PDE9A: variants seen among roughly 807,000 people sequenced by gnomAD.
The protein encoded by PDE9A is high affinity cGMP-specific 3',5'-cyclic phosphodiesterase 9A.
A neutral mutation model predicts 87.4 loss-of-function variants in PDE9A; 60 were observed. That is an observed-to-expected ratio of 0.69 (90% CI 0.56 to 0.85). The LOEUF (loss-of-function observed/expected upper bound fraction) is 0.85, where lower values mean the gene tolerates loss of function less well. PDE9A is among the 40% of genes least tolerant of loss of function. The pLI is 0.00. For synonymous variants in PDE9A, 272 were observed against 279.4 expected, an observed-to-expected ratio of 0.97 and a Z score of 0.27; for missense variants, 665 against 779.0, an observed-to-expected ratio of 0.85 and a Z score of 1.74.
At position 42,705,641 on chromosome 21, in the gene PDE9A, CG is replaced by C. The variant is rs1375394563; in HGVS notation, c.262+6632del. On this transcript the variant is annotated intron_variant, in intron 4 of 19. Transcript: ENST00000291539. The surrounding 1 kb of genome is among the most constrained non-coding windows in gnomAD (Gnocchi z 4.3). ...AGCGTGCTGCAGTCACACGCCAGGA[CG>C]GCCCCCCACGGCCCAAGTCCTATAG... Among the ~76,000 whole-genome samples, 32 of 152,208 alleles carry C rather than the reference CG, an allele frequency of 2.1e-4. No homozygotes were observed. Among genetic ancestry groups the C allele is most frequent in the African/African-American group, 7.2e-4 (30 of 41,452 alleles).
At chr21:42,686,152 G>A (rs775476330) in intron 1 of PDE9A, 40 bp from the exon 2 acceptor site, 13 of 1,543,376 alleles carry the variant, frequency 8.4e-6, no homozygotes, top group Non-Finnish European at 1.1e-5. Flanking sequence ...AGGGAGACCC[G>A]CCGCCCTCGC....
At chr21:42,666,893 T>C (rs2269134) in intron 1 of PDE9A, among the ~76,000 whole-genome samples, 67,238 of 152,040 alleles carry the variant, frequency 0.44, 18,435 homozygotes, top group African/African-American at 0.79. Context: ...GCAGGAGGGA[T>C]CCAGAACGAC....
intron 8 of PDE9A, among the ~76,000 whole-genome samples, chr21:42,745,556 C>T (rs1263532673): frequency 6.6e-6 from 1 of 152,228 alleles, no homozygotes; most frequent in African/African-American, 2.4e-5. Context: ...AAGGCTGGGA[C>T]CTGGCAAGGC....
chr21:42,710,267 G>A (rs1359173674), intron 4 of PDE9A, among the ~76,000 whole-genome samples: 1 of 152,062 alleles, frequency 6.6e-6, no homozygotes, highest in African/African-American at 2.4e-5. Flanking sequence ...AAATTAGCAG[G>A]GTGTGGTGGT....
rs537964286 is a variant in PDE9A, at chr21:42,692,739, G to A, written c.218+4745G>A. Among the ~76,000 whole-genome samples, 2 of 152,076 alleles carry A rather than the reference G, an allele frequency of 1.3e-5. No individual in the cohort carries two copies. Among genetic ancestry groups the A allele is most frequent in the South Asian group, 4.1e-4 (2 of 4,826 alleles). ...CCCTCTTCCCTCGCCGGCAGGTGACGTTACTGGCCTTTTCTTTTTTGGCCC... is the reference window on the plus strand; with the variant it reads ...CCCTCTTCCCTCGCCGGCAGGTGACATTACTGGCCTTTTCTTTTTTGGCCC... On this transcript the variant is annotated intron_variant, in intron 3 of 19. Transcript: ENST00000291539. The surrounding 1 kb of genome is among the most constrained non-coding windows in gnomAD (Gnocchi z 4.3).
rs547310655 is a variant in PDE9A at position 42,669,063 on chromosome 21, A to G, written c.69+15180A>G. 3.3e-5 allele frequency among the ~76,000 whole-genome samples: 5 copies of G among 152,162 alleles called. No individual in the cohort carries two copies. The East Asian group carries it at 7.7e-4, about 23-fold the overall frequency. On this transcript the variant is annotated intron_variant, in intron 1 of 19. Coordinates refer to ENST00000291539, the MANE Select transcript of PDE9A (RefSeq NM_002606.3). ...GGCCCACCCGGTATCAAGGACTCCC[A>G]TTGCTTGCGAAAAAGATTCCACCCC... is the stretch of plus-strand genomic sequence containing the variant.
intron 3 of PDE9A, among the ~76,000 whole-genome samples, chr21:42,698,417 G>C (rs533432977): frequency 1.3e-5 from 2 of 152,162 alleles, no homozygotes; most frequent in Non-Finnish European, 2.9e-5. Context: ...AGAGGCTGTC[G>C]TGTGTCAGCG....
rs965238718 is a variant in PDE9A, at chr21:42,695,568, G to A, written c.219-3400G>A. On this transcript the variant is annotated intron_variant, in intron 3 of 19. Transcript: ENST00000291539. The surrounding 1 kb of genome is among the most constrained non-coding windows in gnomAD (Gnocchi z 4.3). ...CCGGTTTCGGCCAAGTTGTGCCGCAGGTGACTCTCCACCGGCTGAGCTCTG... is the reference window on the plus strand; with the variant it reads ...CCGGTTTCGGCCAAGTTGTGCCGCAAGTGACTCTCCACCGGCTGAGCTCTG... Among the ~76,000 whole-genome samples, 2 of 152,198 alleles carry A rather than the reference G, an allele frequency of 1.3e-5. No homozygotes were observed. The highest frequency in any genetic ancestry group is 2.4e-5 in the African/African-American group (1 of 41,442).
At chr21:42,673,403 G>A (rs906787743) in intron 1 of PDE9A, among the ~76,000 whole-genome samples, 1 of 152,182 alleles carries the variant, frequency 6.6e-6, no homozygotes, top group South Asian at 2.1e-4. Flanking sequence ...CGGTAGCAGA[G>A]GTCAGTCCGC....
At chr21:42,676,007 GTTGT>G (rs765492391) in intron 1 of PDE9A, among the ~76,000 whole-genome samples, 2 of 152,120 alleles carry the variant, frequency 1.3e-5, no homozygotes, top group Non-Finnish European at 2.9e-5. Context: ...GCAAGATCTG[GTTGT>G]TTATGTGTGA....
intron 4 of PDE9A, among the ~76,000 whole-genome samples, chr21:42,726,624 A>ATAT: frequency 1.5e-3 from 29 of 19,770 alleles, no homozygotes; most frequent in South Asian, 4.1e-3. Flanking sequence ...ATATATATAT[A>ATAT]TTTTTTTTTT....
chr21:42,736,730 C>T lies in PDE9A; in HGVS notation c.568+3304C>T, dbSNP rs1157386699. On this transcript the variant is annotated intron_variant, in intron 7 of 19. Coordinates refer to ENST00000291539, the MANE Select transcript of PDE9A (RefSeq NM_002606.3). The stretch of plus-strand genomic sequence containing the variant: ...TTGGGTGAGGTCAGGGGGGACTCTC[C>T]TCAGTCCTCCTGGCTGCCCTCCTCC... Among the ~76,000 whole-genome samples, 6 of 152,280 alleles carry T rather than the reference C, an allele frequency of 3.9e-5. No homozygotes were observed. In the East Asian group the frequency reaches 1.2e-3, roughly 29 times the overall value.
chr21:42,674,205 G>T (rs1441195131), intron 1 of PDE9A, among the ~76,000 whole-genome samples: 1 of 151,900 alleles, frequency 6.6e-6, no homozygotes, highest in Non-Finnish European at 1.5e-5. Context: ...CTCTCCTGGA[G>T]CCCCCAGACA....
chr21:42,771,920 G>A lies in PDE9A; in HGVS notation c.1687-519G>A, dbSNP rs576402774. Among the ~76,000 whole-genome samples the A allele has an allele frequency of 5.3e-5, 8 of 152,362 alleles. No homozygotes were observed. The South Asian group carries it at 1.7e-3, about 32-fold the overall frequency. On this transcript the variant is annotated intron_variant, in intron 18 of 19. Coordinates refer to ENST00000291539, the MANE Select transcript of PDE9A (RefSeq NM_002606.3). ...CTGGAAGGCTGAGAGCACTTATGCAGAGGGACAGATGTAGCAAGAAGGCTT... is the reference window on the plus strand; with the variant it reads ...CTGGAAGGCTGAGAGCACTTATGCAAAGGGACAGATGTAGCAAGAAGGCTT...
intron 9 of PDE9A, among the ~76,000 whole-genome samples, 165 bp downstream of exon 9, chr21:42,751,362 T>C (rs1233559464): frequency 6.6e-6 from 1 of 152,214 alleles, no homozygotes; most frequent in Non-Finnish European, 1.5e-5. Context: ...AAGTATTTTT[T>C]CTCTTTGACA....
intron 1 of PDE9A, among the ~76,000 whole-genome samples, chr21:42,655,991 C>T (rs2057037853): frequency 6.6e-6 from 1 of 152,240 alleles, no homozygotes; most frequent in Non-Finnish European, 1.5e-5. Context: ...GCTCACCTCC[C>T]AGGCTGCACA....
At chr21:42,740,748 A>ATAGG (rs1569229105) in intron 7 of PDE9A, among the ~76,000 whole-genome samples, 2 of 136,706 alleles carry the variant, frequency 1.5e-5, no homozygotes, top group African/African-American at 5.5e-5. Flanking sequence ...AGATAGATAG[A>ATAGG]TAAACAGGAT....
rs372853980 is a variant in PDE9A, at chr21:42,714,813, G to C, written c.262+15802G>C. ...GGGGTTAGCTCTCCCAGTCTTTGTT[G>C]ATATGGTTGGGGTTAGCTCTACCAG... On this transcript the variant is annotated intron_variant, in intron 4 of 19. Transcript: ENST00000291539. 5.6e-5 allele frequency among the ~76,000 whole-genome samples: 7 copies of C among 125,154 alleles called. 1 individual carries two copies. The highest frequency in any genetic ancestry group is 6.3e-4 in the South Asian group (2 of 3,168). 82.1% of individuals were successfully genotyped at this position (125,154 alleles called of 152,430 possible). A position where few individuals can be genotyped will look rare whatever the true frequency, so the allele number is the denominator to read the frequency against.
chr21:42,678,628 C>T (rs2058985419), intron 1 of PDE9A, among the ~76,000 whole-genome samples: 1 of 152,248 alleles, frequency 6.6e-6, no homozygotes. Context: ...AAAAAGTTTT[C>T]ACATATGTGA....
Sources: allele counts gnomAD v4.1 joint callset (sites outside exome capture counted in the v4.1 genomes callset), GRCh38; gene constraint gnomAD v4.1.1; non-coding constraint Gnocchi (gnomAD v3.1); transcripts MANE v1.5; gene names NCBI Gene and HGNC (gene_info 2026-07-23, HGNC 2026-07-21).